The following MAN1B1 variants were observed in gnomAD, a reference collection of about 807,000 sequenced individuals.
The protein encoded by MAN1B1 is mannosidase alpha class 1B member 1.
Under a neutral mutation model 75.5 loss-of-function variants are expected in MAN1B1, and 66 were observed. The ratio of observed to expected loss-of-function variants is 0.87; its 90% confidence interval spans 0.72 to 1.07. The LOEUF is 1.07. Among genes scored for constraint, MAN1B1 ranks in the 50% least tolerant of loss-of-function variants. The pLI, the probability that MAN1B1 is intolerant of heterozygous loss-of-function variation, is 0.00. For missense variants in MAN1B1, 973 were observed against 912.5 expected (o/e 1.07, Z -0.85); for synonymous variants, 453 against 382.8 (o/e 1.18, Z -2.14).
rs559912232 is a variant in MAN1B1, at chr9:137,100,745, C to A, written c.917-260C>A. Among the ~76,000 whole-genome samples, 19 of 152,134 alleles carry A rather than the reference C, an allele frequency of 1.2e-4. No homozygotes were observed. In the South Asian group the frequency reaches 3.9e-3, roughly 32 times the overall value. On this transcript the variant is annotated intron_variant, in intron 6 of 12. Coordinates refer to ENST00000371589, the MANE Select transcript of MAN1B1 (RefSeq NM_016219.5). ...AGCTATTCTCATGCCTCACCCTCCC[C>A]AGTAGTTGGGACCACAGGCATGCGC... is the stretch of plus-strand genomic sequence containing the variant.
intron 3 of MAN1B1, among the ~76,000 whole-genome samples, chr9:137,095,167 G>T (rs1253439762): frequency 6.6e-6 from 1 of 151,884 alleles, no homozygotes. Context: ...CGGCCTGGGT[G>T]ACAAAACAAG....
intron 6 of MAN1B1, 132 bp downstream of exon 6, chr9:137,100,013 G>A (rs1387011572): frequency 1.2e-5 from 12 of 1,032,124 alleles, no homozygotes; most frequent in African/African-American, 3.1e-5. Flanking sequence ...TCCTGGGTGC[G>A]GGAGTGGACG....
chr9:137,098,039 G>A, intron 5 of MAN1B1, 102 bp downstream of exon 5: 1 of 843,770 alleles, frequency 1.2e-6, no homozygotes, highest in Non-Finnish European at 2.0e-6. Flanking sequence ...CCCCGCCCTG[G>A]TGTGCACCTT....
At chr9:137,104,570 C>T in intron 8 of MAN1B1, 1 of 178,102 alleles carries the variant, frequency 5.6e-6, no homozygotes. Context: ...CACTCAGCGT[C>T]TTTAAGCTTC....
At chr9:137,091,865 C>T (rs955304011) in intron 3 of MAN1B1, among the ~76,000 whole-genome samples, 1 of 152,080 alleles carries the variant, frequency 6.6e-6, no homozygotes, top group Non-Finnish European at 1.5e-5. Context: ...ACTATGTTGC[C>T]CAGACTGGTC....
chr9:137,098,189 G>T (rs1490598567), intron 5 of MAN1B1, among the ~76,000 whole-genome samples: 1 of 152,244 alleles, frequency 6.6e-6, no homozygotes, highest in Non-Finnish European at 1.5e-5. Context: ...GGGCCAGGCT[G>T]CCCCACGGGA....
At position 137,106,298 on chromosome 9, in the gene MAN1B1, C is replaced by T. The variant is rs751469511; in HGVS notation, c.1428C>T (p.Gly476=). 32 of 1,553,750 alleles carry T rather than the reference C, an allele frequency of 2.1e-5. No homozygotes were observed. Among genetic ancestry groups the T allele is most frequent in the South Asian group, 1.3e-4 (11 of 84,544 alleles). The change falls in exon 9 of 13, where the codon GGC becomes GGT. Residue 476 remains glycine (G), a synonymous_variant. Transcript: ENST00000371589. The part of the protein sequence containing the change: ...YEYLLKQWIQ[G]GKQETQLLED... ...ACCTGCTGAAGCAGTGGATCCAGGG[C>T]GGGAAGCAGGAGACACAGTGAGGCC...
intron 9 of MAN1B1, 84 bp downstream of exon 9, chr9:137,106,399 C>T (rs1439544236): frequency 3.7e-5 from 47 of 1,278,378 alleles, no homozygotes; most frequent in Non-Finnish European, 4.3e-5. Context: ...GCTCCCACGG[C>T]CCCCGCTCCT....
At position 137,106,753 on chromosome 9, in the gene MAN1B1, C is replaced by T. The variant is rs1213777356; in HGVS notation, c.1510C>T (p.Pro504Ser). The part of the protein sequence containing the change: ...VRTHLLRHSE[P>S]SKLTFVGELA... ...AACGCACCTGCTGCGGCACTCCGAG[C>T]CCAGTAAGCTCACCTTTGTGGGGGA... Residue 504 changes from proline (P) to serine (S), a missense_variant, in exon 10 of 13, where the codon CCC becomes TCC. Pro to Ser is a moderately conservative substitution (Grantham distance 74). Coordinates refer to ENST00000371589, the MANE Select transcript of MAN1B1 (RefSeq NM_016219.5). 1 of 1,613,498 alleles carries T rather than the reference C, an allele frequency of 6.2e-7. No individual in the cohort carries two copies. Among genetic ancestry groups the T allele is most frequent in the Admixed American group, 1.7e-5 (1 of 60,028 alleles).
In MAN1B1 at chr9:137,109,052, C is replaced by T. The variant is rs1250212095; in HGVS notation, c.*461C>T. The T allele has an allele frequency of 2.2e-6, 1 of 457,532 alleles. No homozygotes were observed. 28.3% of individuals were successfully genotyped at this position (457,532 alleles called of 1,614,324 possible). A position where few individuals can be genotyped will look rare whatever the true frequency, so the allele number is the denominator to read the frequency against. On this transcript the variant is annotated 3_prime_UTR_variant, in exon 13 of 13. Coordinates refer to ENST00000371589, the MANE Select transcript of MAN1B1 (RefSeq NM_016219.5). ...GCTCCAGGGCTGGCTCTGGTGTTTA[C>T]AAGCTGGACTCAGGGATCCTCCTGG... is the stretch of plus-strand genomic sequence containing the variant.
chr9:137,106,345 C>A, intron 9 of MAN1B1, 30 bp downstream of exon 9: 1 of 1,538,086 alleles, frequency 6.5e-7, no homozygotes, highest in South Asian at 1.2e-5. Context: ...CCCCAGCTCC[C>A]GCGGCTCCCC....
At chr9:137,106,599 T>C in intron 9 of MAN1B1, 90 bp from the exon 10 acceptor site, 1 of 1,592,956 alleles carries the variant, frequency 6.3e-7, no homozygotes. Flanking sequence ...CCTGCTGTAC[T>C]TGTGTGGGCC....
At position 137,088,420 on chromosome 9, in the gene MAN1B1, C is replaced by T. The variant is rs141630088; in HGVS notation, c.328+237C>T. 2.0e-4 allele frequency: 319 copies of T among 1,560,470 alleles called. 5 individuals carry two copies. In the East Asian group the frequency reaches 6.8e-3, roughly 33 times the overall value. On this transcript the variant is annotated intron_variant, in intron 2 of 12. Coordinates refer to ENST00000371589, the MANE Select transcript of MAN1B1 (RefSeq NM_016219.5). ...TGGTGTAAGTACTGATATGTCCAGC[C>T]TCCCTTATAGAGTAAGTCAGCTGGT...
intron 6 of MAN1B1, among the ~76,000 whole-genome samples, chr9:137,100,171 G>T (rs971365277): frequency 5.9e-5 from 9 of 152,230 alleles, no homozygotes; most frequent in Admixed American, 3.3e-4. Flanking sequence ...GCAGCTGGGG[G>T]TGGTGGGATG....
Position 137,108,451 on chromosome 9 carries a change from G to T in MAN1B1, c.1960G>T (p.Asp654Tyr). 6.2e-7 allele frequency: 1 copy of T among 1,613,978 alleles called. No homozygotes were observed. Among genetic ancestry groups the T allele is most frequent in the Non-Finnish European group, 8.5e-7 (1 of 1,180,024 alleles). Residue 654 changes from aspartate (D) to tyrosine (Y), a missense_variant, in exon 13 of 13, where the codon GAC becomes TAC. By Grantham distance (160) the Asp-to-Tyr change is radical. Coordinates refer to ENST00000371589, the MANE Select transcript of MAN1B1 (RefSeq NM_016219.5). Reference sequence around the variant, plus strand: ...GGATCCTCAGAAGCCCGAGCCTAGGGACAAGATGGAGAGCTTCTTCCTGGG... The same window carrying T: ...GGATCCTCAGAAGCCCGAGCCTAGGTACAAGATGGAGAGCTTCTTCCTGGG... Reference protein sequence around the residue: ...VQDPQKPEPRDKMESFFLGET... With the variant: ...VQDPQKPEPRYKMESFFLGET...
rs1349222826 is a variant in MAN1B1, at chr9:137,108,738, A to G, written c.*147A>G. 1.3e-6 allele frequency: 1 copy of G among 777,558 alleles called. No homozygotes were observed. Among genetic ancestry groups the G allele is most frequent in the Admixed American group, 2.0e-5 (1 of 51,112 alleles). The allele number at this position is 777,558 out of a possible 1,614,324, so 48.2% of individuals were successfully genotyped here. A position where few individuals can be genotyped will look rare whatever the true frequency, so the allele number is the denominator to read the frequency against. ...CTGGGCTCCTCCTCGTCTCTGCTTT[A>G]ATCAGGACACCGTGAGGACAAGTGA... On this transcript the variant is annotated 3_prime_UTR_variant, in exon 13 of 13. Transcript: ENST00000371589.
At chr9:137,097,063 C>T (rs1475846251) in intron 4 of MAN1B1, among the ~76,000 whole-genome samples, 9 of 152,244 alleles carry the variant, frequency 5.9e-5, no homozygotes, top group Non-Finnish European at 1.5e-5. Context: ...GCCCTGAACT[C>T]AAGCGCGTGG....
chr9:137,099,920 G>C (rs767211563), intron 6 of MAN1B1, 39 bp downstream of exon 6: 3 of 1,607,198 alleles, frequency 1.9e-6, no homozygotes, highest in Non-Finnish European at 2.6e-6. Flanking sequence ...AGCCCTCCGT[G>C]TGGGCCTCGT....
chr9:137,098,063 C>T, intron 5 of MAN1B1, 126 bp downstream of exon 5: 1 of 709,278 alleles, frequency 1.4e-6, no homozygotes, highest in South Asian at 1.6e-5. Context: ...CTTCAGCATC[C>T]CCCTGTTGTC....
Sources: gnomAD v4.1 joint callset for allele counts (sites outside exome capture counted in the v4.1 genomes callset) on GRCh38, gnomAD v4.1.1 for gene constraint, MANE v1.5 for transcripts, NCBI Gene and HGNC (gene_info 2026-07-23, HGNC 2026-07-21) for gene names.